ADNP: variants seen among roughly 807,000 people sequenced by gnomAD.
ADNP encodes activity dependent neuroprotector homeobox.
Under a neutral mutation model 84.9 loss-of-function variants are expected in ADNP, and 4 were observed. The observed-to-expected ratio is 0.05, with a 90% CI of 0.02 to 0.11. ADNP has a LOEUF of 0.11. Among genes scored for constraint, ADNP ranks in the 10% least tolerant of loss-of-function variants. The pLI is 1.00. For missense variants in ADNP, 1,132 were observed against 1,326.0 expected (o/e 0.85, Z 2.27); for synonymous variants, 554 against 468.1 (o/e 1.18, Z -2.37).
chr20:50,896,240 C>T (rs1052051600), intron 5 of ADNP, among the ~76,000 whole-genome samples: 1 of 151,878 alleles, frequency 6.6e-6, no homozygotes, highest in Non-Finnish European at 1.5e-5. Context: ...CAAACAAAAA[C>T]CCCCAAAACA....
chr20:50,905,317 A>G (rs1982361434), intron 2 of ADNP: 1 of 152,216 alleles, frequency 6.6e-6, no homozygotes, highest in Admixed American at 6.5e-5. Flanking sequence ...AAAACCCAAA[A>G]CAGCAAAAAC....
At chr20:50,930,595 A>G (rs1984648130) in intron 1 of ADNP, among the ~76,000 whole-genome samples, 2 of 151,944 alleles carry the variant, frequency 1.3e-5, no homozygotes, top group Non-Finnish European at 2.9e-5. Context: ...GTCGGGCTGC[A>G]GGAGGAGGCG....
At chr20:50,925,416 G>A (rs1039617833) in intron 2 of ADNP, among the ~76,000 whole-genome samples, 2 of 152,110 alleles carry the variant, frequency 1.3e-5, no homozygotes, top group Non-Finnish European at 1.5e-5. Flanking sequence ...CTGGCAGATC[G>A]CAAAGGTAGG....
intron 2 of ADNP, among the ~76,000 whole-genome samples, chr20:50,925,310 C>T (rs1008922984): frequency 6.8e-6 from 1 of 147,434 alleles, no homozygotes; most frequent in Non-Finnish European, 1.5e-5. Flanking sequence ...CAAGTTGGCT[C>T]ATATATACCA....
Position 50,891,219 on chromosome 20 carries a change from G to GTTC in ADNP, c.*183_*185dup. On this transcript the variant is annotated 3_prime_UTR_variant, in exon 6 of 6. Transcript: ENST00000621696. ...TTAGTTACCGTGTCTGTCAGAGAAG[G>GTTC]TTCTGAAGCAAGAACAGCCTGTCCT... 3 of 1,348,284 alleles carry GTTC rather than the reference G, an allele frequency of 2.2e-6. No individual in the cohort carries two copies. In the Admixed American group the frequency reaches 1.1e-4, roughly 49 times the overall value. 83.5% of individuals were successfully genotyped at this position (1,348,284 alleles called of 1,614,324 possible).
chr20:50,893,786 G>A lies in ADNP; in HGVS notation c.928C>T (p.Pro310Ser). ...CCTGTAGAATTTAAGTTAGGCTTTG[G>A]TATTGAGAGTCGATTCACCATCTGC... ...SQQMVNRLSI[P>S]KPNLNSTGVN... Residue 310 changes from proline (P) to serine (S), a missense_variant, in exon 6 of 6, where the codon CCA becomes TCA. Pro to Ser is a moderately conservative substitution (Grantham distance 74). Transcript: ENST00000621696. The surrounding 1 kb of genome is among the most constrained non-coding windows in gnomAD (Gnocchi z 4.4). 2.5e-6 allele frequency: 4 copies of A among 1,614,160 alleles called. No individual in the cohort carries two copies. The highest frequency in any genetic ancestry group is 3.4e-6 in the Non-Finnish European group (4 of 1,180,038).
At chr20:50,928,362 G>T (rs954209639) in intron 2 of ADNP, among the ~76,000 whole-genome samples, 1 of 152,026 alleles carries the variant, frequency 6.6e-6, no homozygotes, top group Non-Finnish European at 1.5e-5. Context: ...CTAGAGATTG[G>T]GTTATCAAAG....
intron 2 of ADNP, among the ~76,000 whole-genome samples, chr20:50,920,950 T>TA (rs1983921024): frequency 2.0e-5 from 3 of 152,192 alleles, no homozygotes; most frequent in Admixed American, 2.0e-4. Flanking sequence ...ACCCTACAGT[T>TA]AGACAGATCT....
At position 50,908,372 on chromosome 20, in the gene ADNP, A is replaced by G. The variant is rs944984751; in HGVS notation, c.-89-3523T>C. Among the ~76,000 whole-genome samples the G allele has an allele frequency of 3.3e-5, 5 of 152,256 alleles. No homozygotes were observed. In the East Asian group the frequency reaches 5.8e-4, roughly 18 times the overall value. ...AGTTTCAACCAAACTCTATCAGTCA[A>G]TCATTATGGGTGATAAGAAAAAGAA... On this transcript the variant is annotated intron_variant, in intron 2 of 5. Transcript: ENST00000621696.
At chr20:50,905,315 A>G (rs1383257914) in intron 2 of ADNP, 5 of 152,212 alleles carry the variant, frequency 3.3e-5, no homozygotes, top group African/African-American at 1.2e-4. Context: ...CTAAAACCCA[A>G]AACAGCAAAA....
chr20:50,918,574 T>C (rs1156768404), intron 2 of ADNP, among the ~76,000 whole-genome samples: 1 of 152,212 alleles, frequency 6.6e-6, no homozygotes, highest in Non-Finnish European at 1.5e-5. Flanking sequence ...GATATTATAT[T>C]ACTTTTGGCA....
At chr20:50,908,484 T>C (rs1982709727) in intron 2 of ADNP, among the ~76,000 whole-genome samples, 2 of 152,196 alleles carry the variant, frequency 1.3e-5, no homozygotes, top group South Asian at 4.1e-4. Context: ...GGTTCATTAA[T>C]GTTATCTAGG....
intron 4 of ADNP, among the ~76,000 whole-genome samples, chr20:50,902,492 T>C (rs763685141): frequency 6.6e-6 from 1 of 151,808 alleles, no homozygotes; most frequent in Non-Finnish European, 1.5e-5. Context: ...GCAAATATGA[T>C]TTCTGGTTCT....
chr20:50,908,514 C>T (rs2122877531), intron 2 of ADNP, among the ~76,000 whole-genome samples: 1 of 152,252 alleles, frequency 6.6e-6, no homozygotes, highest in East Asian at 1.9e-4. Context: ...GTGGCTCATG[C>T]CTGTAATCCC....
chr20:50,911,376 G>A (rs59916803), intron 2 of ADNP, among the ~76,000 whole-genome samples: 39,118 of 152,026 alleles, frequency 0.26, 5,170 homozygotes, highest in Admixed American at 0.27. Flanking sequence ...TTCCGCATAC[G>A]GTGAGAGATA....
At chr20:50,911,292 T>C (rs1044789165) in intron 2 of ADNP, among the ~76,000 whole-genome samples, 2 of 152,188 alleles carry the variant, frequency 1.3e-5, no homozygotes, top group Non-Finnish European at 2.9e-5. Flanking sequence ...CCTAGACCAA[T>C]GTCCATGAGA....
rs193238521 is a variant in ADNP, at chr20:50,920,567, A to G, written c.-90+8084T>C. Among the ~76,000 whole-genome samples the G allele has an allele frequency of 4.3e-3, 654 of 150,914 alleles. 2 individuals carry two copies. Among genetic ancestry groups the G allele is most frequent in the Non-Finnish European group, 6.5e-3 (444 of 67,812 alleles). Reference sequence around the variant, plus strand: ...CCTGGACTCCATTAAAAAAAAAAAAAAAGCCTGGAGGAAGTCAATTAAGTA... The same window carrying G: ...CCTGGACTCCATTAAAAAAAAAAAAGAAGCCTGGAGGAAGTCAATTAAGTA... On this transcript the variant is annotated intron_variant, in intron 2 of 5. Transcript: ENST00000621696.
intron 4 of ADNP, among the ~76,000 whole-genome samples, chr20:50,903,290 A>C (rs113347664): frequency 0.033 from 5,096 of 152,318 alleles, 166 homozygotes; most frequent in African/African-American, 0.077. Context: ...AGCTGTTATA[A>C]AGCTCATAGA....
chr20:50,912,816 CTG>C (rs879828770), intron 2 of ADNP, among the ~76,000 whole-genome samples: 1 of 152,092 alleles, frequency 6.6e-6, no homozygotes, highest in African/African-American at 2.4e-5. Context: ...AAAGTTCACA[CTG>C]TGATTTTTAA....
Sources: allele counts gnomAD v4.1 joint callset (sites outside exome capture counted in the v4.1 genomes callset), GRCh38; gene constraint gnomAD v4.1.1; non-coding constraint Gnocchi (gnomAD v3.1); transcripts MANE v1.5; gene names NCBI Gene and HGNC (gene_info 2026-07-23, HGNC 2026-07-21).